Variants in CTNNA2 observed in about 807,000 individuals in gnomAD.
CTNNA2 encodes catenin alpha 2.
A neutral mutation model predicts 101.0 loss-of-function variants in CTNNA2; 42 were observed. That is an observed-to-expected ratio of 0.42 (90% confidence interval 0.32 to 0.54). The LOEUF (loss-of-function observed/expected upper bound fraction) is 0.54. CTNNA2 is among the 20% of genes least tolerant of loss of function. The pLI is 0.14. For missense variants in CTNNA2, 871 were observed against 1,223.1 expected (o/e 0.71, Z 4.29); for synonymous variants, 450 against 456.4 (o/e 0.99, Z 0.18).
intron 7 of CTNNA2, among the ~76,000 whole-genome samples, chr2:80,045,394 T>G (rs1696448930): frequency 6.6e-6 from 1 of 152,208 alleles, no homozygotes; most frequent in Non-Finnish European, 1.5e-5. Flanking sequence ...TATCACTATT[T>G]TGTTGGTTTC....
chr2:79,431,632 A>C (rs900297119), intron 4 of CTNNA2, among the ~76,000 whole-genome samples: 1 of 152,208 alleles, frequency 6.6e-6, no homozygotes, highest in Non-Finnish European at 1.5e-5. Flanking sequence ...AAGGAAGGAC[A>C]GGGTAGAAAA....
intron 18 of CTNNA2, among the ~76,000 whole-genome samples, chr2:80,619,947 A>T (rs1670936946): frequency 6.6e-6 from 1 of 151,866 alleles, no homozygotes; most frequent in Non-Finnish European, 1.5e-5. Flanking sequence ...ATTGCTGATT[A>T]GTTCTTTTAT....
chr2:79,288,721 C>T (rs186307727), intron 2 of CTNNA2, among the ~76,000 whole-genome samples: 380 of 152,288 alleles, frequency 2.5e-3, no homozygotes, highest in Non-Finnish European at 3.7e-3. Context: ...TTGCCAGTCT[C>T]TTACACCTGG....
At chr2:79,646,944 A>G (rs955496227) in intron 1 of CTNNA2, among the ~76,000 whole-genome samples, 3 of 152,220 alleles carry the variant, frequency 2.0e-5, no homozygotes, top group African/African-American at 4.8e-5. Flanking sequence ...GTTATTTACA[A>G]TCTTGTTTTT....
intron 9 of CTNNA2, among the ~76,000 whole-genome samples, chr2:80,539,322 TTG>T (rs200855405): frequency 0.11 from 15,276 of 139,438 alleles, 1,697 homozygotes; most frequent in African/African-American, 0.29. Context: ...TTTTTTTTTT[TTG>T]TTGTTGTTGT....
At chr2:80,566,133 T>C (rs780472084) in intron 12 of CTNNA2, among the ~76,000 whole-genome samples, 6 of 152,236 alleles carry the variant, frequency 3.9e-5, no homozygotes, top group Admixed American at 2.0e-4. Context: ...ACATTAGTTA[T>C]ATATTTCTGT....
At chr2:80,641,352 A>G (rs914824790) in intron 18 of CTNNA2, among the ~76,000 whole-genome samples, 2 of 152,124 alleles carry the variant, frequency 1.3e-5, no homozygotes, top group Non-Finnish European at 2.9e-5. Flanking sequence ...TGTGTCATTA[A>G]TTTTTGTTAG....
intron 2 of CTNNA2, among the ~76,000 whole-genome samples, chr2:79,660,255 A>C (rs1377494787): frequency 1.5e-5 from 2 of 136,348 alleles, no homozygotes; most frequent in Admixed American, 1.5e-4. Flanking sequence ...GTGTATATAC[A>C]TATGTATGTA....
At chr2:79,695,205 G>A (rs987299807) in intron 2 of CTNNA2, among the ~76,000 whole-genome samples, 5 of 151,884 alleles carry the variant, frequency 3.3e-5, no homozygotes, top group Non-Finnish European at 1.5e-5. Context: ...AGCACTTGGG[G>A]TTAGGGCAGA....
intron 18 of CTNNA2, among the ~76,000 whole-genome samples, chr2:80,621,963 T>A (rs1671170241): frequency 6.6e-6 from 1 of 151,882 alleles, no homozygotes. Flanking sequence ...ACGGTTTAGA[T>A]GTTTGTGTTA....
At chr2:80,243,398 A>AT (rs1671089381) in intron 7 of CTNNA2, among the ~76,000 whole-genome samples, 1 of 151,890 alleles carries the variant, frequency 6.6e-6, no homozygotes, top group South Asian at 2.1e-4. Context: ...ACGCCCTAAT[A>AT]TTTCCTTGGG....
At chr2:79,514,909 A>G (rs959444652) in intron 1 of CTNNA2, among the ~76,000 whole-genome samples, 5 of 152,154 alleles carry the variant, frequency 3.3e-5, no homozygotes, top group Non-Finnish European at 7.3e-5. Flanking sequence ...TTTTCATTTA[A>G]ATTATTATAT....
chr2:80,282,902 A>G (rs2149163271), intron 7 of CTNNA2, among the ~76,000 whole-genome samples: 1 of 152,200 alleles, frequency 6.6e-6, no homozygotes, highest in African/African-American at 2.4e-5. Flanking sequence ...TAGGTAAATA[A>G]TGGATATTAA....
chr2:79,463,395 C>CA (rs10546803), intron 4 of CTNNA2, among the ~76,000 whole-genome samples: 202 of 117,748 alleles, frequency 1.7e-3, no homozygotes, highest in Middle Eastern at 4.5e-3. Flanking sequence ...GAGACTGTCT[C>CA]AAAAAAAAAA....
chr2:80,280,318 T>C lies in CTNNA2; in HGVS notation c.1057-112893T>C, dbSNP rs551403800. 3.3e-5 allele frequency among the ~76,000 whole-genome samples: 5 copies of C among 151,114 alleles called. No homozygotes were observed. The East Asian group carries it at 1.0e-3, about 31-fold the overall frequency. The stretch of plus-strand genomic sequence containing the variant: ...ATTTCTTTTGCCAACTGCTGCCTTC[T>C]GCTGACTGTTGACCCACTTCCCTGG... On this transcript the variant is annotated intron_variant, in intron 7 of 18. Transcript: ENST00000402739.
intron 1 of CTNNA2, among the ~76,000 whole-genome samples, chr2:79,556,498 C>G (rs1674454818): frequency 6.6e-6 from 1 of 151,968 alleles, no homozygotes; most frequent in African/African-American, 2.4e-5. Flanking sequence ...TGAGATGATT[C>G]TGACGGTTTC....
intron 7 of CTNNA2, among the ~76,000 whole-genome samples, chr2:80,147,792 C>G (rs1310703481): frequency 1.4e-5 from 2 of 147,844 alleles, no homozygotes; most frequent in African/African-American, 4.9e-5. Flanking sequence ...CCCACCCAAT[C>G]TTGTTATGAT....
At chr2:79,984,451 C>G (rs978720678) in intron 7 of CTNNA2, among the ~76,000 whole-genome samples, 1 of 152,130 alleles carries the variant, frequency 6.6e-6, no homozygotes, top group Admixed American at 6.6e-5. Context: ...TACCTTAAAC[C>G]CTGATTTTCC....
At chr2:80,209,455 T>G (rs901330427) in intron 7 of CTNNA2, among the ~76,000 whole-genome samples, 1 of 152,104 alleles carries the variant, frequency 6.6e-6, no homozygotes, top group African/African-American at 2.4e-5. Context: ...CCTCCCAAAG[T>G]GCTGAGAGTA....
Sources: gnomAD v4.1 joint callset for allele counts (sites outside exome capture counted in the v4.1 genomes callset) on GRCh38, gnomAD v4.1.1 for gene constraint, MANE v1.5 for transcripts, NCBI Gene and HGNC (gene_info 2026-07-23, HGNC 2026-07-21) for gene names.